CENPN: variants seen among roughly 807,000 people sequenced by gnomAD.
CENPN encodes interphase centromere complex protein 32.
A neutral mutation model predicts 48.6 loss-of-function variants in CENPN; 36 were observed. The observed-to-expected ratio is 0.74, with a 90% confidence interval of 0.57 to 0.98. The LOEUF is 0.98. CENPN is among the 50% of genes least tolerant of loss of function. The pLI is 0.00. For synonymous variants in CENPN, 166 were observed against 135.2 expected, an observed-to-expected ratio of 1.23 and a Z score of -1.58; for missense variants, 439 against 399.2, an observed-to-expected ratio of 1.10 and a Z score of -0.85.
chr16:81,020,258 T>C lies in CENPN; in HGVS notation c.513T>C (p.Asn171=), dbSNP rs763732141. Residue 171 remains asparagine (N), a synonymous_variant, in exon 6 of 11, where the codon AAT becomes AAC. Transcript: ENST00000305850. The part of the protein sequence containing the change: ...AFTSSSMLRR[N]TPLLGQALTI... Reference sequence around the variant, plus strand: ...CGTCCTCCTCCATGCTGAGGCGCAATACACCGCTTCTGGGTCAGGTATGGA... The same window carrying C: ...CGTCCTCCTCCATGCTGAGGCGCAACACACCGCTTCTGGGTCAGGTATGGA... 3 of 1,610,432 alleles carry C rather than the reference T, an allele frequency of 1.9e-6. No individual in the cohort carries two copies. Among genetic ancestry groups the C allele is most frequent in the Non-Finnish European group, 2.5e-6 (3 of 1,179,078 alleles).
chr16:81,020,986 G>T (rs984428587), intron 6 of CENPN, among the ~76,000 whole-genome samples: 5 of 151,904 alleles, frequency 3.3e-5, no homozygotes, highest in African/African-American at 1.2e-4. Context: ...CAGTTACTTG[G>T]GAGGCTGAGG....
downstream of CENPN, chr16:81,032,453 G>A: frequency 2.0e-6 from 2 of 1,024,876 alleles, no homozygotes; most frequent in South Asian, 3.0e-5. Flanking sequence ...TTGGGGGTTG[G>A]GGAATCATCA....
At chr16:81,022,752 C>A (rs1970274111) in intron 7 of CENPN, 54 bp downstream of exon 7, 2 of 1,614,006 alleles carry the variant, frequency 1.2e-6, no homozygotes, top group Non-Finnish European at 1.7e-6. Context: ...CTCTTTGACA[C>A]AGGAGTTAGA....
intron 3 of CENPN, chr16:81,014,481 C>A (rs1465502924): frequency 3.0e-6 from 1 of 334,962 alleles, no homozygotes; most frequent in Non-Finnish European, 5.6e-6. Context: ...GTTCCTCCTA[C>A]CAAAGTGCTG....
In CENPN at chr16:81,018,661, A is replaced by G. The variant is rs186784579; in HGVS notation, c.354+827A>G. On this transcript the variant is annotated intron_variant, in intron 5 of 10. Transcript: ENST00000305850. ...CTTCCATTCAAGGCAGTAGAGGCCC[A>G]CTGAGCATGTGACTGGGTCCAAGCT... Among the ~76,000 whole-genome samples the G allele has an allele frequency of 3.3e-5, 5 of 152,338 alleles. No homozygotes were observed. The East Asian group carries it at 9.6e-4, about 29-fold the overall frequency.
chr16:81,028,496 A>G (rs1293289424), intron 10 of CENPN, 73 bp from the exon 11 acceptor site: 1 of 1,578,072 alleles, frequency 6.3e-7, no homozygotes, highest in African/African-American at 1.4e-5. Flanking sequence ...AGCCATTTTT[A>G]AACTGACTCA....
At chr16:81,014,946 ACT>A (rs572854573) in intron 3 of CENPN, among the ~76,000 whole-genome samples, 33 of 152,080 alleles carry the variant, frequency 2.2e-4, no homozygotes, top group Non-Finnish European at 2.1e-4. Context: ...ATGATAGAAG[ACT>A]CTGTTGGATG....
intron 6 of CENPN, chr16:81,022,292 C>A: frequency 3.3e-6 from 1 of 302,298 alleles, no homozygotes; most frequent in Non-Finnish European, 6.2e-6. Context: ...TATTCAAAAA[C>A]AGTAACATTT....
In CENPN at chr16:81,028,954, C is replaced by G. The variant is rs937080337; in HGVS notation, c.*303C>G. ...CTGAAATCAAGCATATGGCACAGCG[C>G]TCAAGACTTTTGGGTTTGTGTCCTT... On this transcript the variant is annotated 3_prime_UTR_variant, in exon 11 of 11. Coordinates refer to ENST00000305850, the MANE Select transcript of CENPN (RefSeq NM_001100624.3). 5 of 1,044,964 alleles carry G rather than the reference C, an allele frequency of 4.8e-6. No homozygotes were observed. The South Asian group carries it at 1.7e-4, about 35-fold the overall frequency. 64.7% of individuals were successfully genotyped at this position (1,044,964 alleles called of 1,614,324 possible).
Position 81,030,105 on chromosome 16 carries a change from A to T in CENPN, c.*1454A>T. The T allele has an allele frequency of 1.6e-6, 1 of 642,308 alleles. No individual in the cohort carries two copies. The highest frequency in any genetic ancestry group is 1.9e-6 in the Non-Finnish European group (1 of 516,768). 39.8% of individuals were successfully genotyped at this position (642,308 alleles called of 1,614,324 possible). ...CTACCATGAGAATAGTATGGGGGAAATCGTTCCCATGACTCAAGTATCTCC... is the reference window on the plus strand; with the variant it reads ...CTACCATGAGAATAGTATGGGGGAATTCGTTCCCATGACTCAAGTATCTCC... On this transcript the variant is annotated 3_prime_UTR_variant, in exon 11 of 11. Transcript: ENST00000305850.
In CENPN at chr16:81,031,447, A is replaced by C. The variant is rs1409035045; in HGVS notation, c.*2796A>C. 1.3e-5 allele frequency: 2 copies of C among 152,186 alleles called. No individual in the cohort carries two copies. The highest frequency in any genetic ancestry group is 4.8e-5 in the African/African-American group (2 of 41,424). 9.4% of individuals were successfully genotyped at this position (152,186 alleles called of 1,614,324 possible). On this transcript the variant is annotated 3_prime_UTR_variant, in exon 11 of 11. Transcript: ENST00000305850. ...TAGCTGAATCTGTCTCCCAAATTGC[A>C]ATTCCTAAGACCTCAATAAAAACAC...
intron 3 of CENPN, 24 bp from the exon 4 acceptor site, chr16:81,017,302 A>G: frequency 1.3e-6 from 2 of 1,536,422 alleles, no homozygotes; most frequent in Non-Finnish European, 9.0e-7. Flanking sequence ...TATGCTAGTA[A>G]TAAAGCTTTC....
chr16:81,017,473 G>A (rs1969979442), intron 4 of CENPN, 88 bp downstream of exon 4: 2 of 877,112 alleles, frequency 2.3e-6, no homozygotes, highest in African/African-American at 1.7e-5. Context: ...TTGCACCACT[G>A]CACTCCAGCC....
At chr16:81,013,034 A>G (rs1969803748) in intron 2 of CENPN, among the ~76,000 whole-genome samples, 1 of 152,242 alleles carries the variant, frequency 6.6e-6, no homozygotes, top group African/African-American at 2.4e-5. Context: ...GCATTGTAGC[A>G]TTGTTTTAAA....
rs1396202436 is a variant in CENPN, at chr16:81,030,287, G to A, written c.*1636G>A. On this transcript the variant is annotated 3_prime_UTR_variant, in exon 11 of 11. Transcript: ENST00000305850. ...CTATTCTTTATCTTGTTTCAGAGAG[G>A]ATTTGGAGTTACAGAAACACATTAG... The A allele has an allele frequency of 3.0e-6, 3 of 985,270 alleles. No homozygotes were observed. Among genetic ancestry groups the A allele is most frequent in the Non-Finnish European group, 3.6e-6 (3 of 829,952 alleles). The allele number at this position is 985,270 out of a possible 1,614,324, so 61.0% of individuals were successfully genotyped here. A position where few individuals can be genotyped will look rare whatever the true frequency, so the allele number is the denominator to read the frequency against.
intron 2 of CENPN, 95 bp downstream of exon 2, chr16:81,012,205 C>A (rs1969771117): frequency 2.7e-6 from 3 of 1,096,324 alleles, no homozygotes; most frequent in East Asian, 2.4e-5. Flanking sequence ...TGTAAGGTAG[C>A]TGCTAAACTA....
At chr16:81,032,484 A>G (rs1970812777), downstream of CENPN, 4 of 1,381,058 alleles carry the variant, frequency 2.9e-6, no homozygotes, top group Non-Finnish European at 3.9e-6. Flanking sequence ...TCCCCTCCCC[A>G]CCAGGCACGT....
intron 2 of CENPN, 75 bp downstream of exon 2, chr16:81,012,185 C>T (rs1969770532): frequency 7.6e-7 from 1 of 1,319,204 alleles, no homozygotes; most frequent in Non-Finnish European, 1.1e-6. Context: ...ATTCCTTACT[C>T]CAAAAGAGAT....
At position 81,020,138 on chromosome 16, in the gene CENPN, C is replaced by G. The variant is rs1970116145; in HGVS notation, c.393C>G (p.Val131=). 1.2e-6 allele frequency: 2 copies of G among 1,612,518 alleles called. No individual in the cohort carries two copies. The highest frequency in any genetic ancestry group is 2.2e-5 in the East Asian group (1 of 44,846). The change falls in exon 6 of 11, where the codon GTC becomes GTG. Residue 131 remains valine (V), a synonymous_variant. Transcript: ENST00000305850. ...VSFRETEENA[V]WIRIAWGTQY... is the part of the protein sequence containing the mutation. ...TCAGAGAAACTGAGGAGAATGCAGT[C>G]TGGATTCGAATTGCCTGGGGAACAC...
Sources: allele counts gnomAD v4.1 joint callset (sites outside exome capture counted in the v4.1 genomes callset), GRCh38; gene constraint gnomAD v4.1.1; transcripts MANE v1.5; gene names NCBI Gene and HGNC (gene_info 2026-07-23, HGNC 2026-07-21).